CDK13: variants seen among roughly 807,000 people sequenced by gnomAD.
CDK13 encodes cyclin-dependent kinase 13.
CDK13 carries 40 observed loss-of-function variants against 137.6 expected under a neutral mutation model. The observed-to-expected ratio is 0.29, with a 90% CI of 0.23 to 0.38. The LOEUF is 0.38. CDK13 is among the 10% of genes least tolerant of loss of function. CDK13 has a pLI of 1.00. For missense variants in CDK13, 1,704 were observed against 1,951.8 expected, an observed-to-expected ratio of 0.87 and a Z score of 2.39; for synonymous variants, 869 against 760.1, an observed-to-expected ratio of 1.14 and a Z score of -2.36.
At chr7:40,015,025 A>G (rs1372695424) in intron 5 of CDK13, among the ~76,000 whole-genome samples, 1 of 152,210 alleles carries the variant, frequency 6.6e-6, no homozygotes, top group Admixed American at 6.5e-5. Context: ...TTTCAGAATA[A>G]TCAAATAATT....
chr7:40,075,916 C>T (rs914086460), intron 9 of CDK13, among the ~76,000 whole-genome samples: 55 of 152,154 alleles, frequency 3.6e-4, no homozygotes, highest in African/African-American at 1.3e-3. Context: ...CCTGTATTCC[C>T]CCTACACTGA....
chr7:40,004,372 T>G (rs997006647), intron 5 of CDK13, among the ~76,000 whole-genome samples: 1 of 152,242 alleles, frequency 6.6e-6, no homozygotes, highest in African/African-American at 2.4e-5. Context: ...TAATCCTGTT[T>G]GTAATTCTAT....
intron 5 of CDK13, among the ~76,000 whole-genome samples, chr7:40,005,905 T>C (rs946703030): frequency 4.0e-5 from 6 of 151,826 alleles, no homozygotes; most frequent in Admixed American, 3.3e-4. Context: ...AAAAAGTGAT[T>C]TGTAGAGATG....
At chr7:40,004,934 G>A (rs970838456) in intron 5 of CDK13, among the ~76,000 whole-genome samples, 1 of 152,148 alleles carries the variant, frequency 6.6e-6, no homozygotes, top group Admixed American at 6.5e-5. Context: ...AGGGAAGGCC[G>A]AGGTAGGTGG....
At chr7:39,963,585 C>G (rs1247370183) in intron 1 of CDK13, among the ~76,000 whole-genome samples, 3 of 152,208 alleles carry the variant, frequency 2.0e-5, no homozygotes, top group African/African-American at 7.2e-5. Context: ...GACAATTTGA[C>G]TTTCTCTTTT....
intron 12 of CDK13, among the ~76,000 whole-genome samples, chr7:40,090,006 AG>A: frequency 6.6e-6 from 1 of 152,326 alleles, no homozygotes. Flanking sequence ...GAATACCAAA[AG>A]CAATTGTTAT....
chr7:39,980,615 G>A lies in CDK13; in HGVS notation c.1212-6984G>A, dbSNP rs577943557. ...GAAACATTGGCCTCAAAGATGTTGT[G>A]GATAGCAGCTACTGTATTGGGCATC... On this transcript the variant is annotated intron_variant, in intron 1 of 13. Coordinates refer to ENST00000181839, the MANE Select transcript of CDK13 (RefSeq NM_003718.5). Among the ~76,000 whole-genome samples, 151 of 152,128 alleles carry A rather than the reference G, an allele frequency of 9.9e-4. 1 individual carries two copies. The highest frequency in any genetic ancestry group is 1.9e-3 in the Non-Finnish European group (127 of 68,024).
intron 9 of CDK13, among the ~76,000 whole-genome samples, chr7:40,066,443 A>G (rs1786280317): frequency 6.6e-6 from 1 of 152,220 alleles, no homozygotes; most frequent in Admixed American, 6.5e-5. Context: ...GTAGGCTGTC[A>G]CTTTCTAGTA....
chr7:39,950,851 AGCCGCC>A lies in CDK13; in HGVS notation c.219_224del (p.Ala75_Ala76del), dbSNP rs752685344. 3.3e-5 allele frequency: 45 copies of A among 1,370,570 alleles called. No homozygotes were observed. The highest frequency in any genetic ancestry group is 4.0e-5 in the Non-Finnish European group (43 of 1,072,734). 84.9% of individuals were successfully genotyped at this position (1,370,570 alleles called of 1,614,324 possible). On this transcript the variant is annotated inframe_deletion, in exon 1 of 14. Transcript: ENST00000181839. ...CTGCTCCCGGCACGGCCGCCGCCGC[AGCCGCC>A]GCCGCCGCGGCCTCCTCCTCTTGCT...
At chr7:40,046,912 G>T (rs1369316376) in intron 6 of CDK13, among the ~76,000 whole-genome samples, 1 of 147,950 alleles carries the variant, frequency 6.8e-6, no homozygotes, top group African/African-American at 2.5e-5. Flanking sequence ...TGAGGAACGA[G>T]AATCGCTTGA....
Position 39,950,625 on chromosome 7 carries a change from G to A in CDK13, c.-17G>A. The A allele has an allele frequency of 7.7e-7, 1 of 1,290,688 alleles. No individual in the cohort carries two copies. Among genetic ancestry groups the A allele is most frequent in the Non-Finnish European group, 9.8e-7 (1 of 1,019,500 alleles). The allele number at this position is 1,290,688 out of a possible 1,614,324, so 80.0% of individuals were successfully genotyped here. On this transcript the variant is annotated 5_prime_UTR_variant, in exon 1 of 14. Transcript: ENST00000181839. Reference sequence around the variant, plus strand: ...GGAGGCCGCACCCGCGCCGCGCTCTGCGGCTGGCTCTAGGCGATGCCGAGC... The same window carrying A: ...GGAGGCCGCACCCGCGCCGCGCTCTACGGCTGGCTCTAGGCGATGCCGAGC...
intron 5 of CDK13, among the ~76,000 whole-genome samples, chr7:40,003,840 T>C (rs903089308): frequency 6.6e-6 from 1 of 152,198 alleles, no homozygotes; most frequent in Non-Finnish European, 1.5e-5. Context: ...ATGCACAATT[T>C]GAAAGGCTAA....
chr7:40,087,935 G>C (rs1389532065), intron 11 of CDK13, among the ~76,000 whole-genome samples, 191 bp from the exon 12 acceptor site: 3 of 152,086 alleles, frequency 2.0e-5, no homozygotes, highest in East Asian at 3.8e-4. Context: ...TAGATTATCT[G>C]TAAAGGCAAA....
At chr7:39,989,977 G>A (rs1784424964) in intron 2 of CDK13, among the ~76,000 whole-genome samples, 1 of 151,956 alleles carries the variant, frequency 6.6e-6, no homozygotes, top group East Asian at 1.9e-4. Context: ...AGAGACGGGG[G>A]GCTTCACCAT....
At chr7:39,991,135 T>C (rs150920056) in intron 2 of CDK13, among the ~76,000 whole-genome samples, 1,868 of 152,320 alleles carry the variant, frequency 0.012, 22 homozygotes, top group Admixed American at 0.018. Flanking sequence ...CTGAAAGTAA[T>C]GCTCTTGGTA....
chr7:39,974,599 G>A (rs1784067739), intron 1 of CDK13, among the ~76,000 whole-genome samples: 3 of 147,464 alleles, frequency 2.0e-5, no homozygotes, highest in Admixed American at 1.4e-4. Flanking sequence ...AAGTCTCGCT[G>A]TGTCACCCAG....
In CDK13 at chr7:39,950,985, C is replaced by T. The variant is rs2116052018; in HGVS notation, c.344C>T (p.Ala115Val). 3 of 1,313,626 alleles carry T rather than the reference C, an allele frequency of 2.3e-6. No homozygotes were observed. The highest frequency in any genetic ancestry group is 2.9e-6 in the Non-Finnish European group (3 of 1,036,266). 81.4% of individuals were successfully genotyped at this position (1,313,626 alleles called of 1,614,324 possible). The change falls in exon 1 of 14, where the codon GCG (alanine) becomes GTG (valine). Residue 115 changes from alanine (A) to valine (V), a missense_variant. Coordinates refer to ENST00000181839, the MANE Select transcript of CDK13 (RefSeq NM_003718.5). ...RRRGPRAGQE[A>V]EKRRVFSLPQ... ...CGCGGGCCCCGCGCCGGGCAGGAGG[C>T]GGAGAAGCGTCGGGTCTTCTCGCTG...
intron 2 of CDK13, among the ~76,000 whole-genome samples, chr7:39,990,553 G>A (rs779101781): frequency 3.5e-4 from 53 of 152,108 alleles, no homozygotes; most frequent in Non-Finnish European, 5.0e-4. Flanking sequence ...GATTACTTTT[G>A]GAAATAAATG....
intron 5 of CDK13, among the ~76,000 whole-genome samples, chr7:40,007,802 A>G (rs933336318): frequency 5.3e-5 from 8 of 152,266 alleles, no homozygotes; most frequent in Non-Finnish European, 7.4e-5. Flanking sequence ...CAGGGACTCA[A>G]TTTTATTCTT....
Sources: gnomAD v4.1 joint callset for allele counts (sites outside exome capture counted in the v4.1 genomes callset) on GRCh38, gnomAD v4.1.1 for gene constraint, MANE v1.5 for transcripts, NCBI Gene and HGNC (gene_info 2026-07-23, HGNC 2026-07-21) for gene names.